The following SPIDR variants were observed in gnomAD, a reference collection of about 807,000 sequenced individuals.
The protein encoded by SPIDR is DNA repair-scaffolding protein.
In SPIDR, 93 loss-of-function variants were observed where a neutral mutation model predicts 104.6. The observed-to-expected ratio is 0.89, with a 90% CI of 0.75 to 1.06. The LOEUF (loss-of-function observed/expected upper bound fraction) is 1.06, where lower values mean the gene tolerates loss of function less well. Among genes scored for constraint, SPIDR ranks in the 50% least tolerant of loss-of-function variants. SPIDR has a pLI of 0.00. For synonymous variants in SPIDR, 431 were observed against 416.9 expected, an observed-to-expected ratio of 1.03 and a Z score of -0.41; for missense variants, 1,154 against 1,111.2, an observed-to-expected ratio of 1.04 and a Z score of -0.55.
Position 47,328,262 on chromosome 8 carries a change from A to AT in SPIDR, c.525+34243dup, listed in dbSNP as rs552447392. ...GGTGTGAGGCAGGTGGTCCAACTAC[A>AT]TTTTTTTTTTTAAAGAGATAAAGTC... is the stretch of plus-strand genomic sequence containing the variant. On this transcript the variant is annotated intron_variant, in intron 5 of 19. Transcript: ENST00000297423. Among the ~76,000 whole-genome samples the AT allele has an allele frequency of 3.7e-3, 539 of 144,896 alleles. 16 individuals are homozygous for AT. The South Asian group carries it at 0.085, about 23-fold the overall frequency.
chr8:47,710,585 T>TA (rs1363423774), intron 14 of SPIDR, among the ~76,000 whole-genome samples: 2 of 151,878 alleles, frequency 1.3e-5, no homozygotes, highest in Admixed American at 1.3e-4. Flanking sequence ...TCTCCTTCCT[T>TA]AGCCTCCCGA....
intron 6 of SPIDR, among the ~76,000 whole-genome samples, chr8:47,400,713 A>G (rs1412391759): frequency 7.3e-5 from 11 of 150,632 alleles, no homozygotes; most frequent in East Asian, 1.9e-4. Flanking sequence ...GGAACTATTC[A>G]AAGCATAAGT....
chr8:47,359,527 C>A (rs1217588952), intron 5 of SPIDR, among the ~76,000 whole-genome samples: 2 of 152,056 alleles, frequency 1.3e-5, no homozygotes, highest in African/African-American at 4.8e-5. Context: ...TATGAGTCAC[C>A]TTTTCTGCAG....
At chr8:47,562,423 C>T (rs1308354567) in intron 8 of SPIDR, among the ~76,000 whole-genome samples, 2 of 152,120 alleles carry the variant, frequency 1.3e-5, no homozygotes, top group South Asian at 2.1e-4. Context: ...TCTGGGGCAC[C>T]GGACAGGGCA....
At chr8:47,317,595 T>C (rs1043069435) in intron 5 of SPIDR, among the ~76,000 whole-genome samples, 10 of 151,656 alleles carry the variant, frequency 6.6e-5, no homozygotes, top group African/African-American at 2.4e-4. Context: ...TCGAAGAGAG[T>C]AGTGGTTCTC....
At chr8:47,367,283 C>T (rs141682391) in intron 5 of SPIDR, among the ~76,000 whole-genome samples, 17 of 152,324 alleles carry the variant, frequency 1.1e-4, no homozygotes, top group African/African-American at 4.1e-4. Flanking sequence ...ACAGGGACCT[C>T]AGTCCTATCA....
chr8:47,346,578 T>C (rs1019881478), intron 5 of SPIDR, among the ~76,000 whole-genome samples: 1 of 152,292 alleles, frequency 6.6e-6, no homozygotes, highest in African/African-American at 2.4e-5. Flanking sequence ...TAGAATTTGG[T>C]TGTGAATCTG....
chr8:47,577,401 G>GT (rs2059243863), intron 8 of SPIDR, among the ~76,000 whole-genome samples: 1 of 152,196 alleles, frequency 6.6e-6, no homozygotes, highest in South Asian at 2.1e-4. Flanking sequence ...TTGAGTAGCT[G>GT]TTTCATCAGC....
At position 47,415,961 on chromosome 8, in the gene SPIDR, G is replaced by A. The variant is rs551917083; in HGVS notation, c.877+8000G>A. 2.6e-5 allele frequency among the ~76,000 whole-genome samples: 4 copies of A among 152,166 alleles called. No individual in the cohort carries two copies. In the South Asian group the frequency reaches 8.3e-4, roughly 32 times the overall value. ...CACTAATCTGTTAAACATTTCCATAGTTTGTTATCTAAAAATGCTCACACC... is the reference window on the plus strand; with the variant it reads ...CACTAATCTGTTAAACATTTCCATAATTTGTTATCTAAAAATGCTCACACC... On this transcript the variant is annotated intron_variant, in intron 7 of 19. Coordinates refer to ENST00000297423, the MANE Select transcript of SPIDR (RefSeq NM_001080394.4).
chr8:47,686,025 A>G (rs1053182964), intron 11 of SPIDR, among the ~76,000 whole-genome samples: 7 of 152,128 alleles, frequency 4.6e-5, no homozygotes, highest in African/African-American at 1.7e-4. Flanking sequence ...GGAAGGAAGC[A>G]AGGAGGAGAG....
rs530343046 is a variant in SPIDR at position 47,456,617 on chromosome 8, ATT to A, written c.1097+16077_1097+16078del. 2.0e-3 allele frequency among the ~76,000 whole-genome samples: 305 copies of A among 152,236 alleles called. 1 individual carries two copies. Among genetic ancestry groups the A allele is most frequent in the Non-Finnish European group, 3.5e-3 (240 of 68,004 alleles). ...GTTTTATTTTCTCTTTTTTAAATTA[ATT>A]TATTTCCATAGGTTTTTGGGAAACA... On this transcript the variant is annotated intron_variant, in intron 8 of 19. Transcript: ENST00000297423.
chr8:47,315,294 C>T (rs146480250), intron 5 of SPIDR, among the ~76,000 whole-genome samples: 34 of 151,574 alleles, frequency 2.2e-4, no homozygotes, highest in African/African-American at 4.6e-4. Flanking sequence ...ATATGCATAC[C>T]GAGATAAATA....
At chr8:47,435,809 G>T (rs530649889) in intron 7 of SPIDR, among the ~76,000 whole-genome samples, 1 of 152,190 alleles carries the variant, frequency 6.6e-6, no homozygotes, top group Non-Finnish European at 1.5e-5. Flanking sequence ...AATGAAGTAG[G>T]GGGGAAACAC....
At chr8:47,508,763 G>A (rs1008929920) in intron 8 of SPIDR, among the ~76,000 whole-genome samples, 2 of 152,000 alleles carry the variant, frequency 1.3e-5, no homozygotes, top group Non-Finnish European at 2.9e-5. Context: ...TGACCCCCAC[G>A]CAGCTTCCAC....
intron 5 of SPIDR, among the ~76,000 whole-genome samples, chr8:47,344,118 C>A (rs1284496327): frequency 7.0e-6 from 1 of 141,912 alleles, no homozygotes; most frequent in Admixed American, 7.1e-5. Context: ...TCCCTACCCC[C>A]TCCCCCCACC....
At chr8:47,458,030 G>A (rs1422593942) in intron 8 of SPIDR, among the ~76,000 whole-genome samples, 3 of 152,112 alleles carry the variant, frequency 2.0e-5, no homozygotes, top group Non-Finnish European at 4.4e-5. Flanking sequence ...GTAATGTCAT[G>A]CCTCCAGATT....
intron 8 of SPIDR, among the ~76,000 whole-genome samples, chr8:47,467,996 C>T (rs533246867): frequency 1.3e-5 from 2 of 152,188 alleles, no homozygotes; most frequent in Non-Finnish European, 2.9e-5. Context: ...AGCTGATAAA[C>T]AGCTTCAACA....
chr8:47,460,765 T>C (rs566324286), intron 8 of SPIDR, among the ~76,000 whole-genome samples: 1 of 152,224 alleles, frequency 6.6e-6, no homozygotes, highest in Non-Finnish European at 1.5e-5. Flanking sequence ...GTGAGACTTA[T>C]GCTTTAAAGA....
At position 47,588,033 on chromosome 8, in the gene SPIDR, ATATATATATATATATATATATATATAT is replaced by A. The variant is rs2060474818; in HGVS notation, c.1098-7777_1098-7751del. ...TGCAACTTTTAAAATTAGCATATATATATATATATATATATATATATATATATATATATATATATATATATATATATA... is the reference window on the plus strand; with the variant it reads ...TGCAACTTTTAAAATTAGCATATATAATATATATATATATATATATATATA... On this transcript the variant is annotated intron_variant, in intron 8 of 19. Coordinates refer to ENST00000297423, the MANE Select transcript of SPIDR (RefSeq NM_001080394.4). Among the ~76,000 whole-genome samples the A allele has an allele frequency of 5.6e-3, 130 of 23,298 alleles. 8 individuals are homozygous for A. The East Asian group carries it at 0.089, about 16-fold the overall frequency. The allele number at this position is 23,298 out of a possible 152,430, so 15.3% of individuals were successfully genotyped here.
Sources: gnomAD v4.1 joint callset for allele counts (sites outside exome capture counted in the v4.1 genomes callset) on GRCh38, gnomAD v4.1.1 for gene constraint, MANE v1.5 for transcripts, NCBI Gene and HGNC (gene_info 2026-07-23, HGNC 2026-07-21) for gene names.